TTC7A: variants seen among roughly 807,000 people sequenced by gnomAD.
The protein encoded by TTC7A is tetratricopeptide repeat domain 7A.
Under a neutral mutation model 103.7 loss-of-function variants are expected in TTC7A, and 110 were observed. That is an observed-to-expected ratio of 1.06 (90% CI 0.91 to 1.24). The LOEUF (loss-of-function observed/expected upper bound fraction) is 1.24, where lower values mean the gene tolerates loss of function less well. Among genes scored for constraint, TTC7A ranks in the 50% most tolerant of loss-of-function variants. The pLI is 0.00. For missense variants in TTC7A, 1,340 were observed against 1,116.3 expected (o/e 1.20, Z -2.86); for synonymous variants, 521 against 467.9 (o/e 1.11, Z -1.47).
At chr2:46,927,640 A>G (rs1177898726) in intron 2 of TTC7A, among the ~76,000 whole-genome samples, 1 of 151,988 alleles carries the variant, frequency 6.6e-6, no homozygotes, top group Non-Finnish European at 1.5e-5. Flanking sequence ...GATTACAGGC[A>G]TGAGCTACCG....
At chr2:47,066,377 G>T (rs180966001) in intron 19 of TTC7A, among the ~76,000 whole-genome samples, 1 of 152,114 alleles carries the variant, frequency 6.6e-6, no homozygotes, top group Non-Finnish European at 1.5e-5. Flanking sequence ...TGCCACCCCT[G>T]GTACCTCCCA....
rs981797886 is a variant in TTC7A, at chr2:47,075,294, T to C, written c.*1371T>C. 5 of 152,210 alleles carry C rather than the reference T, an allele frequency of 3.3e-5. No homozygotes were observed. The highest frequency in any genetic ancestry group is 4.8e-5 in the African/African-American group (2 of 41,454). 9.4% of individuals were successfully genotyped at this position (152,210 alleles called of 1,614,324 possible). A position where few individuals can be genotyped will look rare whatever the true frequency, so the allele number is the denominator to read the frequency against. Reference sequence around the variant, plus strand: ...AAGGATCTCTATGTATGTGTGTATATAAATATAGTTTTTTATCTATATATA... The same window carrying C: ...AAGGATCTCTATGTATGTGTGTATACAAATATAGTTTTTTATCTATATATA... On this transcript the variant is annotated 3_prime_UTR_variant, in exon 20 of 20. Transcript: ENST00000319190.
intron 15 of TTC7A, among the ~76,000 whole-genome samples, chr2:47,044,885 C>G (rs1200144794): frequency 2.0e-5 from 3 of 152,166 alleles, no homozygotes; most frequent in African/African-American, 7.2e-5. Flanking sequence ...AAGCTGGGAG[C>G]CCAGGTCTTA....
intron 5 of TTC7A, among the ~76,000 whole-genome samples, chr2:46,982,706 G>T: frequency 6.6e-6 from 1 of 152,176 alleles, no homozygotes; most frequent in Non-Finnish European, 1.5e-5. Context: ...ATTCATGCCT[G>T]TAATTCCACA....
chr2:46,959,242 A>G (rs1464780311), intron 3 of TTC7A, among the ~76,000 whole-genome samples: 3 of 152,174 alleles, frequency 2.0e-5, no homozygotes, highest in African/African-American at 7.2e-5. Context: ...GTTAGCATGT[A>G]TTTGAACTGG....
intron 2 of TTC7A, among the ~76,000 whole-genome samples, chr2:46,917,603 A>AT (rs1010316688): frequency 6.6e-6 from 1 of 152,046 alleles, no homozygotes; most frequent in Non-Finnish European, 1.5e-5. Context: ...CAGTGCTTTC[A>AT]TTTTTTTCCT....
At chr2:47,004,690 G>A (rs1303981638) in intron 8 of TTC7A, among the ~76,000 whole-genome samples, 1 of 151,814 alleles carries the variant, frequency 6.6e-6, no homozygotes, top group Non-Finnish European at 1.5e-5. Flanking sequence ...GGAGGATGCT[G>A]GGGGCGGCCC....
rs576490769 is a variant in TTC7A at position 47,065,147 on chromosome 2, C to A, written c.2355+4176C>A. 3.9e-5 allele frequency among the ~76,000 whole-genome samples: 6 copies of A among 152,178 alleles called. No homozygotes were observed. The South Asian group carries it at 6.2e-4, about 16-fold the overall frequency. On this transcript the variant is annotated intron_variant, in intron 19 of 19. Coordinates refer to ENST00000319190, the MANE Select transcript of TTC7A (RefSeq NM_020458.4). ...CTAAAAATACAAAAAATTAGCCGGGCGTGGTGGTGGGCGCCTGTAGTCCCA... is the reference window on the plus strand; with the variant it reads ...CTAAAAATACAAAAAATTAGCCGGGAGTGGTGGTGGGCGCCTGTAGTCCCA...
In TTC7A at chr2:47,073,992, G is replaced by A. The variant is rs559880566; in HGVS notation, c.*69G>A. 105 of 1,320,802 alleles carry A rather than the reference G, an allele frequency of 7.9e-5. No individual in the cohort carries two copies. Among genetic ancestry groups the A allele is most frequent in the Non-Finnish European group, 1.0e-4 (97 of 947,684 alleles). The allele number at this position is 1,320,802 out of a possible 1,614,324, so 81.8% of individuals were successfully genotyped here. A position where few individuals can be genotyped will look rare whatever the true frequency, so the allele number is the denominator to read the frequency against. On this transcript the variant is annotated 3_prime_UTR_variant, in exon 20 of 20. Transcript: ENST00000319190. ...GGCAGCAGGGAACGTGGGTCAGGGT[G>A]GGGCAACAGTGGCATCAGGTGCGGG...
chr2:46,957,322 G>C (rs371673053), intron 3 of TTC7A, among the ~76,000 whole-genome samples: 1 of 152,346 alleles, frequency 6.6e-6, no homozygotes, highest in East Asian at 1.9e-4. Context: ...TGTAATACCT[G>C]ACCTCCCAGG....
rs765491596 is a variant in TTC7A, at chr2:46,956,986, T to C, written c.496T>C (p.Ser166Pro). The C allele has an allele frequency of 6.2e-7, 1 of 1,614,112 alleles. No homozygotes were observed. Among genetic ancestry groups the C allele is most frequent in the Non-Finnish European group, 8.5e-7 (1 of 1,180,002 alleles). ...GCCCCTGTATCAGATGCGGCTGCTG[T>C]CGGAGGCTTTTGTCATCAAAGGTAG... ...NKPLYQMRLLSEAFVIKGLSL... is the reference protein window; with the variant it reads ...NKPLYQMRLLPEAFVIKGLSL... Residue 166 changes from serine to proline, a missense_variant, in exon 3 of 20, where the codon TCG (serine) becomes CCG (proline). Transcript: ENST00000319190.
At position 47,051,884 on chromosome 2, in the gene TTC7A, AGTGCCCTGGTCC is replaced by A; in HGVS notation, c.2152+5_2152+16del. 1 of 1,606,526 alleles carries A rather than the reference AGTGCCCTGGTCC, an allele frequency of 6.2e-7. No individual in the cohort carries two copies. Among genetic ancestry groups the A allele is most frequent in the Non-Finnish European group, 8.5e-7 (1 of 1,176,900 alleles). On this transcript the variant is annotated splice_donor_5th_base_variant and intron_variant, in intron 18 of 19. Transcript: ENST00000319190. Reference sequence around the variant, plus strand: ...GAACAGATCTGGCTGCAGGCTGGTGAGTGCCCTGGTCCCAGTGACACACACAGCCTGTCTGCA... The same window carrying A: ...GAACAGATCTGGCTGCAGGCTGGTGACAGTGACACACACAGCCTGTCTGCA...
intron 11 of TTC7A, among the ~76,000 whole-genome samples, chr2:47,016,444 G>T (rs1479167715): frequency 6.6e-6 from 1 of 152,202 alleles, no homozygotes; most frequent in Non-Finnish European, 1.5e-5. Context: ...ATGCCATCAG[G>T]TAGCTGTGGT....
chr2:47,037,837 G>C (rs1681276477), intron 15 of TTC7A, among the ~76,000 whole-genome samples: 1 of 152,186 alleles, frequency 6.6e-6, no homozygotes, highest in African/African-American at 2.4e-5. Flanking sequence ...GAAAGTTTGG[G>C]CAAACATGTA....
At chr2:47,024,812 A>G (rs949472091) in intron 14 of TTC7A, among the ~76,000 whole-genome samples, 12 of 152,098 alleles carry the variant, frequency 7.9e-5, no homozygotes, top group African/African-American at 2.7e-4. Flanking sequence ...CTGGGGCCCC[A>G]TAGGGACCTC....
At chr2:46,944,374 GTT>G (rs34191565) in intron 1 of TTC7A, among the ~76,000 whole-genome samples, 12 of 88,952 alleles carry the variant, frequency 1.3e-4, no homozygotes, top group East Asian at 3.8e-4. Flanking sequence ...GGTATTTTGG[GTT>G]TTTTTTTTTT....
intron 3 of TTC7A, among the ~76,000 whole-genome samples, chr2:46,965,988 T>TCA (rs1022284870): frequency 2.1e-4 from 32 of 152,278 alleles, no homozygotes; most frequent in Middle Eastern, 3.4e-3. Context: ...CTTGCTCTGT[T>TCA]GCCCAGGCTA....
At chr2:47,017,177 G>A (rs1678747876) in intron 11 of TTC7A, among the ~76,000 whole-genome samples, 3 of 138,572 alleles carry the variant, frequency 2.2e-5, no homozygotes, top group South Asian at 4.9e-4. Context: ...TCCAGCCTGG[G>A]CAACAAGAGC....
chr2:46,994,226 G>T, intron 6 of TTC7A, 131 bp from the exon 7 acceptor site: 1 of 1,082,746 alleles, frequency 9.2e-7, no homozygotes, highest in African/African-American at 1.6e-5. Context: ...GAGTGGGGTT[G>T]GGGAGTTTAC....
Sources: gnomAD v4.1 joint callset for allele counts (sites outside exome capture counted in the v4.1 genomes callset) on GRCh38, gnomAD v4.1.1 for gene constraint, MANE v1.5 for transcripts, NCBI Gene and HGNC (gene_info 2026-07-23, HGNC 2026-07-21) for gene names.